Variants in MTHFD1L observed in about 807,000 individuals in gnomAD.
MTHFD1L encodes the protein methylenetetrahydrofolate dehydrogenase (NADP+ dependent) 1 like.
A neutral mutation model predicts 119.5 loss-of-function variants in MTHFD1L; 81 were observed. That is an observed-to-expected ratio of 0.68 (90% CI 0.57 to 0.82). MTHFD1L has a LOEUF of 0.82. Ranked by LOEUF, MTHFD1L falls within the 40% of genes least tolerant of loss-of-function variation. MTHFD1L has a pLI of 0.00. For synonymous variants in MTHFD1L, 430 were observed against 475.2 expected (o/e 0.90, Z 1.24); for missense variants, 1,125 against 1,253.4 (o/e 0.90, Z 1.55).
intron 24 of MTHFD1L, among the ~76,000 whole-genome samples, chr6:151,034,271 A>G (rs146734038): frequency 0.012 from 1,796 of 152,148 alleles, 30 homozygotes; most frequent in African/African-American, 0.04. Context: ...AACACCTAAG[A>G]CTTATTTGCT....
chr6:150,956,296 C>G (rs982844439), intron 17 of MTHFD1L, among the ~76,000 whole-genome samples: 10 of 152,208 alleles, frequency 6.6e-5, no homozygotes, highest in Admixed American at 5.9e-4. Context: ...TTCTTTTTTT[C>G]ATGTATGTTT....
At chr6:151,008,746 T>C (rs1781753231) in intron 20 of MTHFD1L, among the ~76,000 whole-genome samples, 1 of 152,218 alleles carries the variant, frequency 6.6e-6, no homozygotes, top group Non-Finnish European at 1.5e-5. Context: ...AGTATCCTTA[T>C]GCCCTTCAAC....
At chr6:151,000,760 A>G (rs141487550) in intron 20 of MTHFD1L, among the ~76,000 whole-genome samples, 4 of 152,328 alleles carry the variant, frequency 2.6e-5, no homozygotes, top group Admixed American at 2.6e-4. Flanking sequence ...ATCTGCAGAC[A>G]GCTGCCATTG....
In MTHFD1L at chr6:151,034,498, A is replaced by G; in HGVS notation, c.2592A>G (p.Pro864=). The change falls in exon 25 of 28, where the codon CCA becomes CCG. Residue 864 remains proline, a synonymous_variant. Transcript: ENST00000367321. ...TATAATTTGTGTTTCTCCAGGTTCC[A>G]ATTGTGGACAAGATAAGGACCATTG... The part of the protein sequence containing the change: ...RFQFLYDVQV[P]IVDKIRTIAQ... The G allele has an allele frequency of 6.2e-7, 1 of 1,605,320 alleles. No individual in the cohort carries two copies.
chr6:150,909,193 A>C (rs1786445298), intron 8 of MTHFD1L, among the ~76,000 whole-genome samples: 1 of 151,978 alleles, frequency 6.6e-6, no homozygotes, highest in Admixed American at 6.6e-5. Context: ...CTACTATTGC[A>C]TGAGTCCAAT....
In MTHFD1L at chr6:150,955,955, C is replaced by T. The variant is rs1400931130; in HGVS notation, c.1727-40C>T. The stretch of plus-strand genomic sequence containing the variant: ...GCCAGACACACACCAGGTGGCTGGT[C>T]CATATTTGTCGACTGAATGACTAAT... On this transcript the variant is annotated intron_variant, in intron 16 of 27. Transcript: ENST00000367321. 4.5e-6 allele frequency: 7 copies of T among 1,544,566 alleles called. No homozygotes were observed. In the South Asian group the frequency reaches 7.8e-5, roughly 17 times the overall value.
At chr6:151,031,894 C>T (rs1431332789) in intron 24 of MTHFD1L, among the ~76,000 whole-genome samples, 1 of 152,074 alleles carries the variant, frequency 6.6e-6, no homozygotes, top group Non-Finnish European at 1.5e-5. Context: ...AATTTTATTT[C>T]TCTCCAGCCA....
chr6:150,891,612 G>T (rs1008399322), intron 7 of MTHFD1L, among the ~76,000 whole-genome samples: 3 of 150,308 alleles, frequency 2.0e-5, no homozygotes, highest in Non-Finnish European at 4.4e-5. Flanking sequence ...AAAATATAAA[G>T]AAATAATGCA....
At chr6:151,088,472 T>G (rs1027575471) in intron 26 of MTHFD1L, 4 of 152,198 alleles carry the variant, frequency 2.6e-5, no homozygotes, top group Non-Finnish European at 4.4e-5. Context: ...TTGTTTCTTT[T>G]TTGAGACAGA....
chr6:151,002,308 C>T (rs1283790107), intron 20 of MTHFD1L, among the ~76,000 whole-genome samples: 1 of 152,088 alleles, frequency 6.6e-6, no homozygotes, highest in East Asian at 1.9e-4. Flanking sequence ...ATTTTCCAGT[C>T]CTTAGTATCA....
intron 17 of MTHFD1L, among the ~76,000 whole-genome samples, chr6:150,959,494 C>G (rs542533320): frequency 2.0e-5 from 3 of 152,302 alleles, no homozygotes; most frequent in African/African-American, 7.2e-5. Context: ...GGAGCCACAG[C>G]CAAGAGATGG....
chr6:151,087,304 G>A (rs550592072), intron 26 of MTHFD1L, among the ~76,000 whole-genome samples: 30 of 151,188 alleles, frequency 2.0e-4, no homozygotes, highest in Non-Finnish European at 4.4e-4. Flanking sequence ...TAATAAAATT[G>A]TGATGTAGTT....
chr6:150,941,329 GCT>G (rs1165658623), intron 13 of MTHFD1L, among the ~76,000 whole-genome samples: 1 of 152,196 alleles, frequency 6.6e-6, no homozygotes, highest in African/African-American at 2.4e-5. Flanking sequence ...GCAGGCGCCA[GCT>G]CTGTCGAGCG....
At chr6:150,888,005 C>G in intron 7 of MTHFD1L, 24 bp downstream of exon 7, 1 of 1,583,516 alleles carries the variant, frequency 6.3e-7, no homozygotes, top group Non-Finnish European at 8.6e-7. Context: ...TAGAAACATA[C>G]ATCTTGAAGG....
At chr6:150,930,925 T>C (rs1313492935) in intron 11 of MTHFD1L, among the ~76,000 whole-genome samples, 2 of 152,218 alleles carry the variant, frequency 1.3e-5, no homozygotes, top group Non-Finnish European at 2.9e-5. Context: ...TATCGCATGG[T>C]ATTTACACCT....
At chr6:150,915,617 T>G (rs190596530) in intron 8 of MTHFD1L, among the ~76,000 whole-genome samples, 1 of 152,234 alleles carries the variant, frequency 6.6e-6, no homozygotes, top group Non-Finnish European at 1.5e-5. Context: ...TTTAGATTTT[T>G]TGAGATGAAG....
rs778285302 is a variant in MTHFD1L at position 150,944,472 on chromosome 6, T to C, written c.1441-14T>C. ...CTGAAAATAAATAAATAGAAAGATA[T>C]CTTATTTCTCTAGTTCAACCTTCAC... On this transcript the variant is annotated splice_polypyrimidine_tract_variant and intron_variant, in intron 13 of 27. Transcript: ENST00000367321. 2.6e-5 allele frequency: 41 copies of C among 1,582,354 alleles called. No homozygotes were observed. In the South Asian group the frequency reaches 3.4e-4, roughly 13 times the overall value.
intron 20 of MTHFD1L, among the ~76,000 whole-genome samples, chr6:150,980,115 T>A (rs1014222336): frequency 1.4e-4 from 21 of 152,182 alleles, no homozygotes; most frequent in Non-Finnish European, 3.1e-4. Context: ...GCTTCCAGGT[T>A]TTTTGTCTTT....
At chr6:150,964,091 C>T (rs1209745391) in intron 18 of MTHFD1L, among the ~76,000 whole-genome samples, 1 of 152,166 alleles carries the variant, frequency 6.6e-6, no homozygotes, top group Non-Finnish European at 1.5e-5. Context: ...ATCGCTTGAA[C>T]CCTGGAGGCA....
Sources: gnomAD v4.1 joint callset for allele counts (sites outside exome capture counted in the v4.1 genomes callset) on GRCh38, gnomAD v4.1.1 for gene constraint, MANE v1.5 for transcripts, NCBI Gene and HGNC (gene_info 2026-07-23, HGNC 2026-07-21) for gene names.